FRMD5: variants seen among roughly 807,000 people sequenced by gnomAD.
FRMD5 encodes FERM domain containing 5.
Under a neutral mutation model 69.0 loss-of-function variants are expected in FRMD5, and 20 were observed. The observed-to-expected ratio is 0.29, with a 90% CI of 0.20 to 0.42. The LOEUF (loss-of-function observed/expected upper bound fraction) is 0.42, where lower values mean the gene tolerates loss of function less well. FRMD5 is among the 10% of genes least tolerant of loss of function. FRMD5 has a pLI of 1.00. For synonymous variants in FRMD5, 271 were observed against 260.1 expected, an observed-to-expected ratio of 1.04 and a Z score of -0.40; for missense variants, 595 against 708.6, an observed-to-expected ratio of 0.84 and a Z score of 1.82.
intron 1 of FRMD5, among the ~76,000 whole-genome samples, chr15:44,035,947 G>A (rs939232614): frequency 2.0e-5 from 3 of 152,116 alleles, no homozygotes; most frequent in African/African-American, 7.2e-5. Flanking sequence ...TTATACATGT[G>A]CTCCTGACAG....
At chr15:43,962,938 A>G (rs976131693) in intron 1 of FRMD5, among the ~76,000 whole-genome samples, 19 of 152,246 alleles carry the variant, frequency 1.2e-4, no homozygotes, top group Non-Finnish European at 1.9e-4. Context: ...TGTTAGACCT[A>G]AAACCATAAA....
chr15:44,095,584 T>C (rs1012640939), intron 1 of FRMD5, among the ~76,000 whole-genome samples: 1 of 152,162 alleles, frequency 6.6e-6, no homozygotes, highest in Non-Finnish European at 1.5e-5. Flanking sequence ...CTGTCAGATG[T>C]TGCTGAAGGA....
At chr15:44,130,240 G>A (rs553688058) in intron 1 of FRMD5, among the ~76,000 whole-genome samples, 6 of 152,266 alleles carry the variant, frequency 3.9e-5, no homozygotes, top group East Asian at 1.9e-4. Flanking sequence ...TGACATCCCC[G>A]CCAATCCTTG....
At chr15:44,117,032 G>C (rs1469592924) in intron 1 of FRMD5, among the ~76,000 whole-genome samples, 1 of 151,908 alleles carries the variant, frequency 6.6e-6, no homozygotes, top group African/African-American at 2.4e-5. Flanking sequence ...TTGAACCCGG[G>C]AGGCAGAGGT....
chr15:44,011,924 G>T (rs1297304054), intron 1 of FRMD5, among the ~76,000 whole-genome samples: 1 of 152,152 alleles, frequency 6.6e-6, no homozygotes, highest in East Asian at 1.9e-4. Context: ...TAGACTTTTG[G>T]TGGGATCAGA....
intron 1 of FRMD5, among the ~76,000 whole-genome samples, chr15:44,090,631 G>C (rs2076458380): frequency 6.6e-6 from 1 of 151,872 alleles, no homozygotes; most frequent in African/African-American, 2.4e-5. Flanking sequence ...GTAGAGATGG[G>C]GTTTTACTGT....
intron 13 of FRMD5, among the ~76,000 whole-genome samples, chr15:43,881,492 C>G (rs1460218419): frequency 6.6e-6 from 1 of 152,166 alleles, no homozygotes; most frequent in Non-Finnish European, 1.5e-5. Flanking sequence ...AGTCCACAGG[C>G]ACTCTCCCAC....
chr15:44,098,372 A>C (rs1270677776), intron 1 of FRMD5, among the ~76,000 whole-genome samples: 1 of 152,006 alleles, frequency 6.6e-6, no homozygotes, highest in Non-Finnish European at 1.5e-5. Context: ...TAAAAATACA[A>C]ATATTAGCTG....
intron 1 of FRMD5, among the ~76,000 whole-genome samples, chr15:44,170,924 A>C (rs1276109051): frequency 6.6e-6 from 1 of 152,242 alleles, no homozygotes; most frequent in Non-Finnish European, 1.5e-5. Context: ...ACTTCCATTT[A>C]TAATATTTTA....
At chr15:44,121,804 G>A (rs1184133171) in intron 1 of FRMD5, among the ~76,000 whole-genome samples, 2 of 151,940 alleles carry the variant, frequency 1.3e-5, no homozygotes, top group East Asian at 3.9e-4. Context: ...AGACCAGCCT[G>A]GCCAATATGG....
intron 1 of FRMD5, among the ~76,000 whole-genome samples, chr15:44,147,287 T>A (rs938396401): frequency 2.0e-5 from 3 of 152,160 alleles, no homozygotes; most frequent in Admixed American, 2.0e-4. Flanking sequence ...TTGTCAAAGA[T>A]CAGATGGTTG....
chr15:44,102,000 A>AT (rs1201299505), intron 1 of FRMD5, among the ~76,000 whole-genome samples: 1 of 152,234 alleles, frequency 6.6e-6, no homozygotes, highest in Non-Finnish European at 1.5e-5. Context: ...GTTGAAAGCC[A>AT]TGTAATTTAT....
At position 44,088,554 on chromosome 15, in the gene FRMD5, GT is replaced by G. The variant is rs1894300045; in HGVS notation, c.102+106398del. Among the ~76,000 whole-genome samples the G allele has an allele frequency of 3.3e-5, 5 of 152,230 alleles. No homozygotes were observed. In the South Asian group the frequency reaches 1.0e-3, roughly 32 times the overall value. Reference sequence around the variant, plus strand: ...TGTGCACCTCTGACAGCTATCAACTGTTTCAGGTTATCCCTCCTCATGTTTT... The same window carrying G: ...TGTGCACCTCTGACAGCTATCAACTGTTCAGGTTATCCCTCCTCATGTTTT... On this transcript the variant is annotated intron_variant, in intron 1 of 13. Transcript: ENST00000417257.
chr15:44,098,323 G>A (rs553638385), intron 1 of FRMD5, among the ~76,000 whole-genome samples: 3 of 152,020 alleles, frequency 2.0e-5, no homozygotes, highest in Non-Finnish European at 2.9e-5. Flanking sequence ...TCAAGAGATC[G>A]AGACCATCCT....
intron 1 of FRMD5, among the ~76,000 whole-genome samples, chr15:43,959,634 C>T (rs2090165755): frequency 6.6e-6 from 1 of 152,162 alleles, no homozygotes; most frequent in Non-Finnish European, 1.5e-5. Flanking sequence ...ACCAAAGTCC[C>T]TTCCAGGGCT....
intron 1 of FRMD5, among the ~76,000 whole-genome samples, chr15:43,931,144 ATCTT>A (rs2089667735): frequency 1.3e-5 from 2 of 152,234 alleles, no homozygotes; most frequent in African/African-American, 4.8e-5. Flanking sequence ...CAACTCGTTC[ATCTT>A]TCTTATCTTT....
intron 1 of FRMD5, among the ~76,000 whole-genome samples, chr15:44,108,649 A>G (rs1471969799): frequency 6.6e-6 from 1 of 151,948 alleles, no homozygotes; most frequent in Non-Finnish European, 1.5e-5. Flanking sequence ...CTGTCTCAAT[A>G]ACAACACCAA....
At chr15:44,110,913 G>C (rs1315620773) in intron 1 of FRMD5, among the ~76,000 whole-genome samples, 1 of 152,130 alleles carries the variant, frequency 6.6e-6, no homozygotes, top group Non-Finnish European at 1.5e-5. Context: ...ACTAATAGCT[G>C]ATTAAATATT....
chr15:44,158,777 T>C (rs2077566433), intron 1 of FRMD5, among the ~76,000 whole-genome samples: 2 of 152,342 alleles, frequency 1.3e-5, no homozygotes, highest in Non-Finnish European at 1.5e-5. Context: ...GCATAGCTGA[T>C]AGGAAGCTGA....
Sources: gnomAD v4.1 joint callset for allele counts (sites outside exome capture counted in the v4.1 genomes callset) on GRCh38, gnomAD v4.1.1 for gene constraint, MANE v1.5 for transcripts, NCBI Gene and HGNC (gene_info 2026-07-23, HGNC 2026-07-21) for gene names.